Variants in CFAP299 observed in about 807,000 individuals in gnomAD.
CFAP299 encodes the protein cilia and flagella associated protein 299.
In CFAP299, 21 loss-of-function variants were observed where a neutral mutation model predicts 27.0. The observed-to-expected ratio is 0.78, with a 90% CI of 0.55 to 1.12. CFAP299 has a LOEUF of 1.12. CFAP299 is among the 50% of genes most tolerant of loss of function. The probability of loss-of-function intolerance (pLI) is 0.00; values close to 1 mark genes in which losing one functional copy is unlikely to be tolerated. For missense variants in CFAP299, 310 were observed against 276.6 expected (o/e 1.12, Z -0.86); for synonymous variants, 104 against 98.1 (o/e 1.06, Z -0.36).
At chr4:80,528,953 T>C (rs1733323773) in intron 2 of CFAP299, among the ~76,000 whole-genome samples, 1 of 152,166 alleles carries the variant, frequency 6.6e-6, no homozygotes, top group South Asian at 2.1e-4. Flanking sequence ...TGATCCCAAA[T>C]GCATTCAGTT....
intron 2 of CFAP299, among the ~76,000 whole-genome samples, chr4:80,427,157 T>C (rs1727567140): frequency 6.6e-6 from 1 of 152,228 alleles, no homozygotes; most frequent in Admixed American, 6.5e-5. Context: ...TGTATTCATA[T>C]AACAACAACT....
intron 2 of CFAP299, among the ~76,000 whole-genome samples, chr4:80,547,411 A>G (rs984405531): frequency 6.6e-6 from 1 of 152,186 alleles, no homozygotes; most frequent in African/African-American, 2.4e-5. Flanking sequence ...GTAAGACCTA[A>G]AAGAATTTAA....
At chr4:80,415,256 A>G (rs1203242774) in intron 2 of CFAP299, among the ~76,000 whole-genome samples, 1 of 152,220 alleles carries the variant, frequency 6.6e-6, no homozygotes, top group East Asian at 1.9e-4. Context: ...GGTCAGGCCT[A>G]AGAAATGACT....
At chr4:80,512,670 T>A (rs564940358) in intron 2 of CFAP299, among the ~76,000 whole-genome samples, 30 of 152,056 alleles carry the variant, frequency 2.0e-4, no homozygotes, top group Admixed American at 1.9e-3. Context: ...TGGGGACTTA[T>A]CTTGCTGCAG....
chr4:80,624,278 A>T (rs1042958454), intron 3 of CFAP299, among the ~76,000 whole-genome samples: 7 of 152,162 alleles, frequency 4.6e-5, no homozygotes, highest in Non-Finnish European at 1.5e-5. Context: ...TTTGACCAGA[A>T]TGATAATAAT....
intron 3 of CFAP299, among the ~76,000 whole-genome samples, chr4:80,690,206 A>G (rs1378849604): frequency 6.6e-6 from 1 of 151,230 alleles, no homozygotes; most frequent in Non-Finnish European, 1.5e-5. Context: ...ATAGACATCT[A>G]CAGAACTCTC....
intron 3 of CFAP299, among the ~76,000 whole-genome samples, chr4:80,736,256 G>C (rs1723863833): frequency 1.3e-5 from 2 of 152,000 alleles, no homozygotes; most frequent in Admixed American, 6.6e-5. Context: ...ATTGATTTTT[G>C]TATAAGGTGT....
chr4:80,710,983 G>A (rs921687467), intron 3 of CFAP299, among the ~76,000 whole-genome samples: 9 of 152,140 alleles, frequency 5.9e-5, no homozygotes, highest in African/African-American at 1.9e-4. Flanking sequence ...GAGCACAGGC[G>A]TATAACTCCT....
chr4:80,613,977 A>G (rs1039245071), intron 3 of CFAP299, among the ~76,000 whole-genome samples: 3 of 151,992 alleles, frequency 2.0e-5, no homozygotes, highest in Non-Finnish European at 4.4e-5. Context: ...TGTTTGATTC[A>G]TTTTCTCCAG....
At chr4:80,443,684 A>C (rs1728478729) in intron 2 of CFAP299, among the ~76,000 whole-genome samples, 1 of 152,230 alleles carries the variant, frequency 6.6e-6, no homozygotes, top group South Asian at 2.1e-4. Flanking sequence ...TGGCCAGGGC[A>C]GTCAGGCAAG....
chr4:80,640,186 G>T (rs973799269), intron 3 of CFAP299, among the ~76,000 whole-genome samples: 4 of 152,158 alleles, frequency 2.6e-5, no homozygotes, highest in African/African-American at 9.7e-5. Flanking sequence ...TCATGTTGCT[G>T]GTGTGACTGC....
At chr4:80,487,414 C>T (rs1730875040) in intron 2 of CFAP299, among the ~76,000 whole-genome samples, 4 of 152,172 alleles carry the variant, frequency 2.6e-5, no homozygotes, top group East Asian at 1.9e-4. Flanking sequence ...AGCAGATCAT[C>T]GATCTCTTTC....
chr4:80,627,941 A>G (rs1339971223), intron 3 of CFAP299, among the ~76,000 whole-genome samples: 1 of 152,154 alleles, frequency 6.6e-6, no homozygotes, highest in Non-Finnish European at 1.5e-5. Context: ...CAGAATTCCT[A>G]TCAAAATACC....
At chr4:80,369,972 A>C (rs1578364140) in intron 2 of CFAP299, among the ~76,000 whole-genome samples, 1 of 152,138 alleles carries the variant, frequency 6.6e-6, no homozygotes, top group Non-Finnish European at 1.5e-5. Flanking sequence ...CACTGCTGTA[A>C]AGAAATATCT....
intron 4 of CFAP299, among the ~76,000 whole-genome samples, chr4:80,919,578 C>T (rs901204196): frequency 3.3e-5 from 5 of 152,090 alleles, no homozygotes; most frequent in African/African-American, 1.2e-4. Context: ...GCATAAGCAA[C>T]TGGTTTTCTT....
At chr4:80,866,548 T>C (rs2110164683) in intron 3 of CFAP299, among the ~76,000 whole-genome samples, 1 of 152,240 alleles carries the variant, frequency 6.6e-6, no homozygotes, top group African/African-American at 2.4e-5. Flanking sequence ...TTTGCTTTGT[T>C]TTTGGTAGAA....
chr4:80,956,629 T>C (rs1738083782), intron 5 of CFAP299, among the ~76,000 whole-genome samples: 1 of 151,828 alleles, frequency 6.6e-6, no homozygotes, highest in African/African-American at 2.4e-5. Flanking sequence ...TTTTCTTTTT[T>C]TTTTTTTATA....
chr4:80,729,739 A>G (rs1723390402), intron 3 of CFAP299, among the ~76,000 whole-genome samples: 1 of 151,482 alleles, frequency 6.6e-6, no homozygotes, highest in South Asian at 2.1e-4. Context: ...AGCTGGGACT[A>G]CAGGCGCCTG....
At chr4:80,803,808 T>A (rs962188853) in intron 3 of CFAP299, among the ~76,000 whole-genome samples, 1 of 151,668 alleles carries the variant, frequency 6.6e-6, no homozygotes, top group Non-Finnish European at 1.5e-5. Context: ...AAGGTACACA[T>A]AACATACAAT....
Sources: gnomAD v4.1 joint callset for allele counts (sites outside exome capture counted in the v4.1 genomes callset) on GRCh38, gnomAD v4.1.1 for gene constraint, MANE v1.5 for transcripts, NCBI Gene and HGNC (gene_info 2026-07-23, HGNC 2026-07-21) for gene names.